The following ST8SIA1 variants were observed in gnomAD, a reference collection of about 807,000 sequenced individuals.
ST8SIA1 encodes alpha-N-acetylneuraminide alpha-2,8-sialyltransferase.
In ST8SIA1, 16 loss-of-function variants were observed where a neutral mutation model predicts 35.9. That is an observed-to-expected ratio of 0.45 (90% confidence interval 0.30 to 0.68). ST8SIA1 has a LOEUF of 0.68. ST8SIA1 is among the 30% of genes least tolerant of loss of function. The pLI is 0.09. For synonymous variants in ST8SIA1, 170 were observed against 169.6 expected (o/e 1.00, Z -0.02); for missense variants, 383 against 453.6 (o/e 0.84, Z 1.41).
At position 22,317,283 on chromosome 12, in the gene ST8SIA1, G is replaced by A. The variant is rs1591855512; in HGVS notation, c.236+16714C>T. Among the ~76,000 whole-genome samples, 3 of 152,150 alleles carry A rather than the reference G, an allele frequency of 2.0e-5. No individual in the cohort carries two copies. In the East Asian group the frequency reaches 5.8e-4, roughly 29 times the overall value. ...TATTGTTAAAAACAATTTATTACGT[G>A]ATTTGATTTTTTATTTAATAAATGT... On this transcript the variant is annotated intron_variant, in intron 1 of 4. Coordinates refer to ENST00000396037, the MANE Select transcript of ST8SIA1 (RefSeq NM_003034.4).
rs187566132 is a variant in ST8SIA1, at chr12:22,247,396, T to C, written c.584+1610A>G. On this transcript the variant is annotated intron_variant, in intron 4 of 4. Coordinates refer to ENST00000396037, the MANE Select transcript of ST8SIA1 (RefSeq NM_003034.4). ...GTAAAGATTATGTAGAGCCTTCTTGTAAATTGTTTTTTGCAATTTTCTGTG... is the reference window on the plus strand; with the variant it reads ...GTAAAGATTATGTAGAGCCTTCTTGCAAATTGTTTTTTGCAATTTTCTGTG... 3.0e-4 allele frequency among the ~76,000 whole-genome samples: 45 copies of C among 152,314 alleles called. No individual in the cohort carries two copies. In the East Asian group the frequency reaches 7.5e-3, roughly 25 times the overall value.
chr12:22,242,011 TAAAAG>T (rs1313672338), intron 4 of ST8SIA1, among the ~76,000 whole-genome samples: 2 of 152,280 alleles, frequency 1.3e-5, no homozygotes, highest in East Asian at 3.9e-4. Flanking sequence ...TTCTATTTCA[TAAAAG>T]AAAGTCATGC....
chr12:22,229,264 T>C (rs952094378), intron 4 of ST8SIA1, among the ~76,000 whole-genome samples: 2 of 151,796 alleles, frequency 1.3e-5, no homozygotes, highest in South Asian at 4.2e-4. Context: ...AATGTAAAAG[T>C]GATATTAACA....
At chr12:22,295,331 A>G (rs2135821432) in intron 1 of ST8SIA1, among the ~76,000 whole-genome samples, 1 of 152,312 alleles carries the variant, frequency 6.6e-6, no homozygotes, top group Non-Finnish European at 1.5e-5. Context: ...TGAGAATTAA[A>G]TTGATACATG....
intron 1 of ST8SIA1, among the ~76,000 whole-genome samples, chr12:22,301,652 G>A (rs1252170426): frequency 2.6e-5 from 4 of 152,170 alleles, no homozygotes; most frequent in African/African-American, 9.7e-5. Flanking sequence ...CCACGGCTTT[G>A]ACTGGCATGG....
intron 1 of ST8SIA1, among the ~76,000 whole-genome samples, chr12:22,331,806 C>T (rs569722768): frequency 6.6e-6 from 1 of 152,264 alleles, no homozygotes; most frequent in African/African-American, 2.4e-5. Flanking sequence ...TAATGTTTAC[C>T]TGTAAATCTG....
intron 4 of ST8SIA1, among the ~76,000 whole-genome samples, chr12:22,205,331 T>C (rs1865094710): frequency 6.6e-6 from 1 of 152,032 alleles, no homozygotes; most frequent in South Asian, 2.1e-4. Flanking sequence ...CAGACCAGCC[T>C]ATGAATTAAA....
At chr12:22,324,333 T>C (rs1324752096) in intron 1 of ST8SIA1, 1 of 152,198 alleles carries the variant, frequency 6.6e-6, no homozygotes, top group Non-Finnish European at 1.5e-5. Context: ...AAAAGATTAA[T>C]TCTAGAAATT....
chr12:22,267,555 T>C (rs930045319), intron 2 of ST8SIA1, among the ~76,000 whole-genome samples: 3 of 152,234 alleles, frequency 2.0e-5, no homozygotes, highest in Non-Finnish European at 2.9e-5. Flanking sequence ...TATTCCTGCC[T>C]TAATTATCTC....
chr12:22,290,296 G>A (rs1866158493), intron 1 of ST8SIA1, among the ~76,000 whole-genome samples: 1 of 152,146 alleles, frequency 6.6e-6, no homozygotes, highest in Non-Finnish European at 1.5e-5. Flanking sequence ...CATATCCCAT[G>A]TGCCTGAGTG....
chr12:22,231,681 C>G (rs1444778929), intron 4 of ST8SIA1, among the ~76,000 whole-genome samples: 2 of 151,976 alleles, frequency 1.3e-5, no homozygotes, highest in African/African-American at 4.8e-5. Flanking sequence ...TCACGCCATT[C>G]TCCTGCCTCA....
chr12:22,215,488 T>G lies in ST8SIA1; in HGVS notation c.585-13450A>C, dbSNP rs763723749. Among the ~76,000 whole-genome samples the G allele has an allele frequency of 1.2e-3, 180 of 152,192 alleles. 14 individuals are homozygous for G. Among genetic ancestry groups the G allele is most frequent in the Non-Finnish European group, 7.2e-4 (49 of 68,036 alleles). On this transcript the variant is annotated intron_variant, in intron 4 of 4. Transcript: ENST00000396037. ...AATGAACAATATTTGGGAAGAGCTA[T>G]GAAGAGAATAAAGTGGGATAATAAG... is the stretch of plus-strand genomic sequence containing the variant.
chr12:22,248,945 T>C, intron 4 of ST8SIA1, 61 bp downstream of exon 4: 1 of 1,270,988 alleles, frequency 7.9e-7, no homozygotes, highest in Non-Finnish European at 1.1e-6. Flanking sequence ...GCCTTTGAAA[T>C]GCTAAGTACT....
chr12:22,334,574 G>A lies in ST8SIA1; in HGVS notation c.-342C>T. Reference sequence around the variant, plus strand: ...GCTCCCGCCGGTTCTGCAGCATCACGGTCGCCCTCGGCGAGGGTCCGGGAG... The same window carrying A: ...GCTCCCGCCGGTTCTGCAGCATCACAGTCGCCCTCGGCGAGGGTCCGGGAG... On this transcript the variant is annotated 5_prime_UTR_variant, in exon 1 of 5. Transcript: ENST00000396037. 2.9e-6 allele frequency: 1 copy of A among 349,808 alleles called. No homozygotes were observed. The highest frequency in any genetic ancestry group is 5.3e-6 in the Non-Finnish European group (1 of 188,236). 21.7% of individuals were successfully genotyped at this position (349,808 alleles called of 1,614,324 possible).
intron 2 of ST8SIA1, among the ~76,000 whole-genome samples, chr12:22,258,101 G>A (rs1323014768): frequency 6.6e-6 from 1 of 151,950 alleles, no homozygotes; most frequent in South Asian, 2.1e-4. Context: ...TGGAGAAAGA[G>A]CTGCCTGGAT....
chr12:22,210,660 A>G (rs1281972652), intron 4 of ST8SIA1, among the ~76,000 whole-genome samples: 2 of 152,148 alleles, frequency 1.3e-5, no homozygotes, highest in African/African-American at 2.4e-5. Flanking sequence ...TCCCTTCTTC[A>G]TGTTGGATTA....
Position 22,196,566 on chromosome 12 carries a change from G to A in ST8SIA1, c.*4986C>T, listed in dbSNP as rs2120587292. On this transcript the variant is annotated 3_prime_UTR_variant, in exon 5 of 5. Transcript: ENST00000396037. Reference sequence around the variant, plus strand: ...AAATATTGTGGCCTCATATTTAGGAGTTTATAAACAGACGCTCTGGGCTTC... The same window carrying A: ...AAATATTGTGGCCTCATATTTAGGAATTTATAAACAGACGCTCTGGGCTTC... The A allele has an allele frequency of 6.6e-6, 1 of 152,268 alleles. No individual in the cohort carries two copies. Among genetic ancestry groups the A allele is most frequent in the Admixed American group, 6.5e-5 (1 of 15,298 alleles). The allele number at this position is 152,268 out of a possible 1,614,324, so 9.4% of individuals were successfully genotyped here.
chr12:22,321,006 GAAA>G (rs1230819381), intron 1 of ST8SIA1, among the ~76,000 whole-genome samples: 25 of 56,396 alleles, frequency 4.4e-4, no homozygotes, highest in East Asian at 3.7e-3. Context: ...AAAGAAAGAA[GAAA>G]GAAAGAAAGA....
chr12:22,204,453 T>C (rs1416342850), intron 4 of ST8SIA1, among the ~76,000 whole-genome samples: 1 of 152,188 alleles, frequency 6.6e-6, no homozygotes, highest in Non-Finnish European at 1.5e-5. Flanking sequence ...CTAGAGCAGT[T>C]AGGATACCTC....
Sources: allele counts gnomAD v4.1 joint callset (sites outside exome capture counted in the v4.1 genomes callset), GRCh38; gene constraint gnomAD v4.1.1; transcripts MANE v1.5; gene names NCBI Gene and HGNC (gene_info 2026-07-23, HGNC 2026-07-21).